Variants in PCDHGB3 observed in about 807,000 individuals in gnomAD.
The protein encoded by PCDHGB3 is protocadherin gamma subfamily B, 3.
A neutral mutation model predicts 59.2 loss-of-function variants in PCDHGB3; 40 were observed. The observed-to-expected ratio is 0.68, with a 90% CI of 0.52 to 0.88. The LOEUF is 0.88. Ranked by LOEUF, PCDHGB3 falls within the 40% of genes least tolerant of loss-of-function variation. The pLI is 0.00. For missense variants in PCDHGB3, 1,309 were observed against 1,187.9 expected (o/e 1.10, Z -1.50); for synonymous variants, 581 against 503.6 (o/e 1.15, Z -2.06).
In PCDHGB3 at chr5:141,487,439, T is replaced by C. The variant is rs201458212; in HGVS notation, c.2416-7368T>C. 1 of 1,613,926 alleles carries C rather than the reference T, an allele frequency of 6.2e-7. No individual in the cohort carries two copies. Among genetic ancestry groups the C allele is most frequent in the South Asian group, 1.1e-5 (1 of 91,066 alleles). ...TGGGATCCTCCGAATCCAGCTAGGG[T>C]CAGATGACCCTATCAAGTTTGTTGA... is the stretch of plus-strand genomic sequence containing the variant. On this transcript the variant is annotated intron_variant, in intron 1 of 3. Transcript: ENST00000576222. This position sits in a 1 kb window ranked among gnomAD's most constrained non-coding sequence, Gnocchi z 5.0.
chr5:141,496,164 C>A (rs745320704), intron 2 of PCDHGB3, among the ~76,000 whole-genome samples: 1 of 152,084 alleles, frequency 6.6e-6, no homozygotes, highest in East Asian at 1.9e-4. Flanking sequence ...CCACCAGACA[C>A]CCTCCCATCC....
At chr5:141,419,254 C>A in intron 1 of PCDHGB3, 1 of 1,614,020 alleles carries the variant, frequency 6.2e-7, no homozygotes, top group Non-Finnish European at 8.5e-7. Context: ...CAGAAAACAA[C>A]CAGCCGGGTG....
intron 1 of PCDHGB3, among the ~76,000 whole-genome samples, chr5:141,406,607 C>T (rs1289606470): frequency 6.6e-6 from 1 of 152,202 alleles, no homozygotes; most frequent in Non-Finnish European, 1.5e-5. Flanking sequence ...AAAGTTGTCA[C>T]ATCTTTTATT....
Position 141,477,098 on chromosome 5 carries a change from G to A in PCDHGB3, c.2416-17709G>A, listed in dbSNP as rs1562059777. 1.9e-6 allele frequency: 3 copies of A among 1,614,124 alleles called. No individual in the cohort carries two copies. The highest frequency in any genetic ancestry group is 3.3e-5 in the Admixed American group (2 of 60,008). The stretch of plus-strand genomic sequence containing the variant: ...GATTTACATCCAGGCCAAAGACAAG[G>A]GCGCCAATCCCGAAGGAGCACATTG... On this transcript the variant is annotated intron_variant, in intron 1 of 3. Coordinates refer to ENST00000576222, the MANE Select transcript of PCDHGB3 (RefSeq NM_018924.5). This position sits in a 1 kb window ranked among gnomAD's most constrained non-coding sequence, Gnocchi z 4.9.
chr5:141,394,760 T>C (rs374519404), intron 1 of PCDHGB3: 68 of 1,613,366 alleles, frequency 4.2e-5, no homozygotes, highest in Middle Eastern at 3.3e-4. Flanking sequence ...TCCAGGACCA[T>C]GGCCAGCCCC....
At chr5:141,413,086 A>T in intron 1 of PCDHGB3, 1 of 1,344,152 alleles carries the variant, frequency 7.4e-7, no homozygotes, top group Non-Finnish European at 1.0e-6. Flanking sequence ...GGCTACAGAG[A>T]CACCCTGAAG....
chr5:141,423,755 G>GC (rs542747697), intron 1 of PCDHGB3: 5,773 of 512,484 alleles, frequency 0.011, 63 homozygotes, highest in Non-Finnish European at 0.014. Context: ...CTGTTTGGGG[G>GC]GGGGGTGGGG....
rs77983663 is a variant in PCDHGB3, at chr5:141,504,853, C to T, written c.2475-540C>T. 2.8e-4 allele frequency among the ~76,000 whole-genome samples: 42 copies of T among 152,214 alleles called. No homozygotes were observed. In the East Asian group the frequency reaches 7.7e-3, roughly 28 times the overall value. On this transcript the variant is annotated intron_variant, in intron 2 of 3. Transcript: ENST00000576222. ...TTCTCTAGCTCTGGAACATTCTCTT[C>T]CATTTCCCACCTTCACAGTCCTCTG... is the stretch of plus-strand genomic sequence containing the variant.
rs1562065751 is a variant in PCDHGB3, at chr5:141,477,907, C to T, written c.2416-16900C>T. The T allele has an allele frequency of 1.9e-6, 3 of 1,614,164 alleles. No homozygotes were observed. The highest frequency in any genetic ancestry group is 2.2e-5 in the East Asian group (1 of 44,872). ...TAGTGTCACGGGTGGTAGGCTGGGA[C>T]GCGGATGCAGGGCACAATGCCTGGC... On this transcript the variant is annotated intron_variant, in intron 1 of 3. Transcript: ENST00000576222. This position sits in a 1 kb window ranked among gnomAD's most constrained non-coding sequence, Gnocchi z 4.9.
intron 1 of PCDHGB3, chr5:141,390,892 G>A (rs1476434709): frequency 2.6e-5 from 4 of 152,470 alleles, no homozygotes; most frequent in East Asian, 3.8e-4. Context: ...GTGTGTGAGA[G>A]AGATCCTTTT....
At chr5:141,460,650 T>C (rs1264813071) in intron 1 of PCDHGB3, among the ~76,000 whole-genome samples, 2 of 152,094 alleles carry the variant, frequency 1.3e-5, no homozygotes, top group East Asian at 3.9e-4. Flanking sequence ...TGTTTACACA[T>C]ATGTAACTGT....
chr5:141,370,444 T>C lies in PCDHGB3; in HGVS notation c.50T>C (p.Leu17Pro). The C allele has an allele frequency of 1.2e-6, 2 of 1,607,792 alleles. No homozygotes were observed. The highest frequency in any genetic ancestry group is 1.7e-6 in the Non-Finnish European group (2 of 1,176,898). ...GGCCCAGCAGGGCAGAGGCGAATGCTATTTCTCTTCCTGCTCTCTTTGTTA... is the reference window on the plus strand; with the variant it reads ...GGCCCAGCAGGGCAGAGGCGAATGCCATTTCTCTTCCTGCTCTCTTTGTTA... ...WRGPAGQRRM[L>P]FLFLLSLLDQ... The change falls in exon 1 of 4, where the codon CTA becomes CCA. Residue 17 changes from leucine to proline, a missense_variant. By Grantham distance (98) the Leu-to-Pro change is moderately conservative. Coordinates refer to ENST00000576222, the MANE Select transcript of PCDHGB3 (RefSeq NM_018924.5).
chr5:141,458,553 T>G (rs987591790), intron 1 of PCDHGB3, among the ~76,000 whole-genome samples: 24 of 146,852 alleles, frequency 1.6e-4, no homozygotes, highest in Non-Finnish European at 2.5e-4. Flanking sequence ...TGTTTGTTTG[T>G]TTTGGTTTTG....
chr5:141,436,337 A>G (rs1450981655), intron 1 of PCDHGB3, among the ~76,000 whole-genome samples: 1 of 152,178 alleles, frequency 6.6e-6, no homozygotes, highest in Non-Finnish European at 1.5e-5. Flanking sequence ...CATATCTCAA[A>G]TATCAGTGAC....
In PCDHGB3 at chr5:141,490,935, G is replaced by A. The variant is rs1371144225; in HGVS notation, c.2416-3872G>A. On this transcript the variant is annotated intron_variant, in intron 1 of 3. Transcript: ENST00000576222. The surrounding 1 kb of genome is among the most constrained non-coding windows in gnomAD (Gnocchi z 5.4). ...AGAATGATAATGCCCCAGCTGTGCTGCACCCACGGCCAGACTGGGAACACT... is the reference window on the plus strand; with the variant it reads ...AGAATGATAATGCCCCAGCTGTGCTACACCCACGGCCAGACTGGGAACACT... 1.9e-6 allele frequency: 3 copies of A among 1,613,638 alleles called. No homozygotes were observed. The highest frequency in any genetic ancestry group is 2.2e-5 in the South Asian group (2 of 91,032).
At chr5:141,395,186 G>A in intron 1 of PCDHGB3, 1 of 1,614,086 alleles carries the variant, frequency 6.2e-7, no homozygotes, top group Non-Finnish European at 8.5e-7. Flanking sequence ...ATGATTCTTT[G>A]TTAACATCCG....
At chr5:141,386,834 G>A (rs1253552836) in intron 1 of PCDHGB3, among the ~76,000 whole-genome samples, 1 of 152,192 alleles carries the variant, frequency 6.6e-6, no homozygotes, top group East Asian at 1.9e-4. Context: ...GCAATGGAGA[G>A]ACATAATCAC....
In PCDHGB3 at chr5:141,487,519, T is replaced by C. The variant is rs1288070159; in HGVS notation, c.2416-7288T>C. The C allele has an allele frequency of 6.2e-7, 1 of 1,614,046 alleles. No individual in the cohort carries two copies. ...CCTTGGCTTCTGCACCCACTCGGAG[T>C]GATAGCTTCATGATGGTGAAGTCAC... On this transcript the variant is annotated intron_variant, in intron 1 of 3. Transcript: ENST00000576222. The surrounding 1 kb of genome is among the most constrained non-coding windows in gnomAD (Gnocchi z 5.0).
chr5:141,409,639 G>A, intron 1 of PCDHGB3: 1 of 1,613,760 alleles, frequency 6.2e-7, no homozygotes, highest in Non-Finnish European at 8.5e-7. Flanking sequence ...CCTCTGACCC[G>A]GATTTGGGGC....
Sources: gnomAD v4.1 joint callset for allele counts (sites outside exome capture counted in the v4.1 genomes callset) on GRCh38, gnomAD v4.1.1 for gene constraint, Gnocchi (gnomAD v3.1) non-coding constraint, MANE v1.5 for transcripts, NCBI Gene and HGNC (gene_info 2026-07-23, HGNC 2026-07-21) for gene names.